The following RGS6 variants were observed in gnomAD, a reference collection of about 807,000 sequenced individuals.
RGS6 encodes regulator of G protein signaling 6, also known as regulator of G-protein signaling 6.
Under a neutral mutation model 78.5 loss-of-function variants are expected in RGS6, and 30 were observed. The observed-to-expected ratio is 0.38, with a 90% CI of 0.29 to 0.52. The LOEUF (loss-of-function observed/expected upper bound fraction) is 0.52, where lower values mean the gene tolerates loss of function less well. RGS6 is among the 20% of genes least tolerant of loss of function. The pLI, the probability that RGS6 is intolerant of heterozygous loss-of-function variation, is 0.85. For missense variants in RGS6, 495 were observed against 609.7 expected (o/e 0.81, Z 1.98); for synonymous variants, 206 against 206.0 (o/e 1.00, Z 0.00).
intron 2 of RGS6, among the ~76,000 whole-genome samples, chr14:72,068,475 C>T (rs1185075157): frequency 8.1e-5 from 12 of 147,294 alleles, no homozygotes; most frequent in East Asian, 4.1e-4. Context: ...ATATTTCCTC[C>T]GTCTCTCCCT....
intron 3 of RGS6, among the ~76,000 whole-genome samples, chr14:72,352,634 C>G (rs2079340420): frequency 6.6e-6 from 1 of 151,946 alleles, no homozygotes; most frequent in South Asian, 2.1e-4. Context: ...TTTCTTCATT[C>G]CTTATATTGT....
At chr14:72,360,366 A>G (rs889156447) in intron 3 of RGS6, among the ~76,000 whole-genome samples, 1 of 133,632 alleles carries the variant, frequency 7.5e-6, no homozygotes, top group African/African-American at 2.6e-5. Context: ...CTAAAAATAC[A>G]AAAAAATTAG....
At chr14:71,955,587 G>A (rs1484568223) in intron 1 of RGS6, among the ~76,000 whole-genome samples, 4 of 152,136 alleles carry the variant, frequency 2.6e-5, no homozygotes, top group Non-Finnish European at 5.9e-5. Context: ...GCCATATAGG[G>A]TAACTTCCTG....
At chr14:71,892,970 C>T in the RGS6 span, among the ~76,000 whole-genome samples, 7 of 152,258 alleles carry the variant, frequency 4.6e-5, no homozygotes, top group African/African-American at 1.4e-4. Flanking sequence ...GGGACGGCAG[C>T]GATCTGCCTA....
intron 3 of RGS6, among the ~76,000 whole-genome samples, chr14:72,404,457 C>T (rs1249090510): frequency 1.3e-5 from 2 of 152,216 alleles, no homozygotes; most frequent in African/African-American, 4.8e-5. Context: ...GAGAACCACC[C>T]TTTACCCCAG....
intron 2 of RGS6, among the ~76,000 whole-genome samples, chr14:72,105,812 T>C (rs1700680539): frequency 6.6e-6 from 1 of 152,234 alleles, no homozygotes; most frequent in African/African-American, 2.4e-5. Flanking sequence ...AGAGAGAAGT[T>C]CTGGTAGAAG....
intron 2 of RGS6, among the ~76,000 whole-genome samples, chr14:72,310,650 C>T (rs367742139): frequency 5.9e-5 from 9 of 152,208 alleles, no homozygotes; most frequent in East Asian, 3.9e-4. Flanking sequence ...AAAGCAGAGG[C>T]TCTGCTTGTG....
chr14:72,536,941 G>A (rs2097258849), intron 16 of RGS6, among the ~76,000 whole-genome samples: 1 of 152,120 alleles, frequency 6.6e-6, no homozygotes, highest in African/African-American at 2.4e-5. Context: ...GATTTGAGGT[G>A]CAGGGGCCCT....
chr14:72,448,842 A>AAC (rs1380729472), intron 3 of RGS6, among the ~76,000 whole-genome samples: 3 of 152,198 alleles, frequency 2.0e-5, no homozygotes, highest in Non-Finnish European at 4.4e-5. Context: ...TTTGGCATGA[A>AAC]ATTGCCTGGA....
intron 2 of RGS6, among the ~76,000 whole-genome samples, chr14:72,140,136 A>G (rs565696441): frequency 5.3e-5 from 8 of 152,300 alleles, no homozygotes; most frequent in East Asian, 3.9e-4. Context: ...GATGCTCCCC[A>G]GGAAATGTGC....
At chr14:72,451,839 A>ACCTC (rs1195733540) in intron 3 of RGS6, among the ~76,000 whole-genome samples, 2 of 151,270 alleles carry the variant, frequency 1.3e-5, no homozygotes, top group African/African-American at 4.9e-5. Context: ...TGCAACCTCC[A>ACCTC]CCTCCCGTGT....
chr14:72,240,702 A>G (rs1238202640), intron 2 of RGS6, among the ~76,000 whole-genome samples: 1 of 152,196 alleles, frequency 6.6e-6, no homozygotes, highest in African/African-American at 2.4e-5. Context: ...TATTTCCGGT[A>G]CTAGGTAAAT....
At chr14:72,205,507 C>T (rs767792430) in intron 2 of RGS6, among the ~76,000 whole-genome samples, 2 of 152,214 alleles carry the variant, frequency 1.3e-5, no homozygotes, top group Non-Finnish European at 2.9e-5. Context: ...TTCAGGGTCT[C>T]ATTCCAAACA....
At chr14:72,474,350 CTG>C (rs1159045095) in intron 9 of RGS6, among the ~76,000 whole-genome samples, 5 of 152,298 alleles carry the variant, frequency 3.3e-5, no homozygotes, top group Admixed American at 6.5e-5. Flanking sequence ...ATTTTAAGGA[CTG>C]TGTCTGAGGC....
chr14:72,391,214 T>C (rs1214188179), intron 3 of RGS6, among the ~76,000 whole-genome samples: 1 of 151,904 alleles, frequency 6.6e-6, no homozygotes, highest in Non-Finnish European at 1.5e-5. Flanking sequence ...AAGGGAATGC[T>C]TCATTTCCAA....
intron 2 of RGS6, among the ~76,000 whole-genome samples, chr14:72,017,970 T>C (rs984300648): frequency 6.6e-6 from 1 of 152,128 alleles, no homozygotes; most frequent in Non-Finnish European, 1.5e-5. Flanking sequence ...CTTCCTCCCA[T>C]GTGTCCATGT....
intron 1 of RGS6, among the ~76,000 whole-genome samples, chr14:71,936,419 G>A (rs1024654974): frequency 6.6e-6 from 1 of 152,064 alleles, no homozygotes; most frequent in African/African-American, 2.4e-5. Flanking sequence ...TGACACAAAT[G>A]TTTAATCTCT....
intron 2 of RGS6, among the ~76,000 whole-genome samples, chr14:72,020,795 T>C (rs2088262980): frequency 6.6e-6 from 1 of 152,218 alleles, no homozygotes; most frequent in Non-Finnish European, 1.5e-5. Context: ...CCATCCCTCT[T>C]GGAACCTATG....
In RGS6 at chr14:72,366,752, T is replaced by G. The variant is rs534037087; in HGVS notation, c.184+14558T>G. On this transcript the variant is annotated intron_variant, in intron 3 of 17. Coordinates refer to ENST00000553525, the MANE Select transcript of RGS6 (RefSeq NM_001204424.2). Reference sequence around the variant, plus strand: ...GAGCCAAGATGGTGAGTCTTCGGAGTTTCCAACCTCAGCGTGCCAGCTCTA... The same window carrying G: ...GAGCCAAGATGGTGAGTCTTCGGAGGTTCCAACCTCAGCGTGCCAGCTCTA... Among the ~76,000 whole-genome samples the G allele has an allele frequency of 4.0e-5, 6 of 151,618 alleles. No individual in the cohort carries two copies. The South Asian group carries it at 1.0e-3, about 26-fold the overall frequency.
Sources: allele counts gnomAD v4.1 joint callset (sites outside exome capture counted in the v4.1 genomes callset), GRCh38; gene constraint gnomAD v4.1.1; transcripts MANE v1.5; gene names NCBI Gene and HGNC (gene_info 2026-07-23, HGNC 2026-07-21).